The following GRM8 variants were observed in gnomAD, a reference collection of about 807,000 sequenced individuals.
GRM8 encodes the protein glutamate metabotropic receptor 8, also known as metabotropic glutamate receptor 8.
Under a neutral mutation model 87.2 loss-of-function variants are expected in GRM8, and 47 were observed. The ratio of observed to expected loss-of-function variants is 0.54; its 90% CI spans 0.43 to 0.69. The LOEUF (loss-of-function observed/expected upper bound fraction) is 0.69. Ranked by LOEUF, GRM8 falls within the 30% of genes least tolerant of loss-of-function variation. The pLI, the probability that GRM8 is intolerant of heterozygous loss-of-function variation, is 0.00. For synonymous variants in GRM8, 396 were observed against 404.5 expected, an observed-to-expected ratio of 0.98 and a Z score of 0.25; for missense variants, 1,019 against 1,139.2, an observed-to-expected ratio of 0.89 and a Z score of 1.52.
At chr7:126,801,873 T>C (rs1822745963) in intron 6 of GRM8, among the ~76,000 whole-genome samples, 2 of 152,100 alleles carry the variant, frequency 1.3e-5, no homozygotes, top group African/African-American at 4.8e-5. Context: ...TTCTCAACTA[T>C]ACAAGGAACT....
At chr7:127,117,007 G>A (rs1205909351) in intron 2 of GRM8, among the ~76,000 whole-genome samples, 1 of 152,040 alleles carries the variant, frequency 6.6e-6, no homozygotes, top group African/African-American at 2.4e-5. Flanking sequence ...ATAAATGAAT[G>A]GATAGATGAA....
chr7:126,886,935 G>A (rs1475300524), intron 6 of GRM8, among the ~76,000 whole-genome samples: 1 of 152,100 alleles, frequency 6.6e-6, no homozygotes, highest in Non-Finnish European at 1.5e-5. Context: ...AAGGCCGAAA[G>A]AAGGAAGAGC....
At chr7:127,196,534 C>CA (rs568593813) in intron 2 of GRM8, among the ~76,000 whole-genome samples, 40,160 of 144,522 alleles carry the variant, frequency 0.28, 5,467 homozygotes, top group South Asian at 0.32. Flanking sequence ...AACAAACAAA[C>CA]AAAAAAAAAA....
chr7:126,982,884 C>T (rs1300193623), intron 3 of GRM8, among the ~76,000 whole-genome samples: 2 of 152,190 alleles, frequency 1.3e-5, no homozygotes, highest in African/African-American at 4.8e-5. Flanking sequence ...CATCTGCAGT[C>T]CTGCCTGGAT....
At chr7:126,560,956 A>T (rs985140278) in intron 8 of GRM8, among the ~76,000 whole-genome samples, 1 of 152,200 alleles carries the variant, frequency 6.6e-6, no homozygotes, top group Non-Finnish European at 1.5e-5. Context: ...AACTTATTGT[A>T]AACATTTGAC....
intron 3 of GRM8, among the ~76,000 whole-genome samples, chr7:126,941,371 G>T (rs1806906184): frequency 6.6e-6 from 1 of 151,644 alleles, no homozygotes; most frequent in African/African-American, 2.4e-5. Flanking sequence ...ACTTTGGGAG[G>T]CCGAAGCGGG....
intron 3 of GRM8, among the ~76,000 whole-genome samples, chr7:127,055,496 G>A (rs569760473): frequency 1.3e-5 from 2 of 152,256 alleles, no homozygotes; most frequent in East Asian, 3.9e-4. Context: ...ACTAGTGGGA[G>A]CTTTGTCTGA....
intron 3 of GRM8, among the ~76,000 whole-genome samples, chr7:127,020,224 G>T (rs973152350): frequency 6.6e-6 from 1 of 152,050 alleles, no homozygotes; most frequent in Admixed American, 6.6e-5. Context: ...ACAAAGCTAT[G>T]CTAGAAAAGA....
At chr7:127,209,612 G>A (rs1033542887) in intron 2 of GRM8, among the ~76,000 whole-genome samples, 5 of 151,944 alleles carry the variant, frequency 3.3e-5, no homozygotes, top group Admixed American at 1.3e-4. Context: ...TAAGACTGGC[G>A]GGGAAAAGGG....
At chr7:127,041,428 T>C (rs1818420650) in intron 3 of GRM8, among the ~76,000 whole-genome samples, 1 of 152,236 alleles carries the variant, frequency 6.6e-6, no homozygotes, top group African/African-American at 2.4e-5. Context: ...ACTTATAAAA[T>C]AGAAGTTTCC....
intron 3 of GRM8, among the ~76,000 whole-genome samples, chr7:126,924,932 G>C: frequency 6.6e-6 from 1 of 152,072 alleles, no homozygotes; most frequent in East Asian, 1.9e-4. Flanking sequence ...CAGCAGGCAA[G>C]ACCACAATTT....
At chr7:126,465,493 C>T (rs1023862518) in intron 9 of GRM8, among the ~76,000 whole-genome samples, 1 of 151,692 alleles carries the variant, frequency 6.6e-6, no homozygotes, top group Non-Finnish European at 1.5e-5. Context: ...TTACTTAAGT[C>T]CTCTTTAATT....
Position 126,646,605 on chromosome 7 carries a change from T to G in GRM8, c.1358-37107A>C, listed in dbSNP as rs1803124001. ...TCTCAGCTGTGTGATACCACCCACA[T>G]GCTTAAGAGAAGGCATTCTGCAGGC... is the stretch of plus-strand genomic sequence containing the variant. On this transcript the variant is annotated intron_variant, in intron 7 of 10. Coordinates refer to ENST00000339582, the MANE Select transcript of GRM8 (RefSeq NM_000845.3). Among the ~76,000 whole-genome samples, 7 of 150,340 alleles carry G rather than the reference T, an allele frequency of 4.7e-5. No individual in the cohort carries two copies. The Admixed American group carries it at 4.7e-4, about 10-fold the overall frequency.
intron 2 of GRM8, among the ~76,000 whole-genome samples, chr7:127,208,757 C>G (rs7784674): frequency 0.022 from 3,421 of 152,300 alleles, 120 homozygotes; most frequent in African/African-American, 0.077. Context: ...ATTCGGTACA[C>G]TTGATGTGAT....
chr7:126,748,661 G>C (rs79596215), intron 7 of GRM8, among the ~76,000 whole-genome samples: 1 of 122,806 alleles, frequency 8.1e-6, no homozygotes, highest in East Asian at 2.4e-4. Context: ...TTCATACATA[G>C]ATGCAAAAGG....
intron 2 of GRM8, among the ~76,000 whole-genome samples, chr7:127,189,486 A>C (rs1438855369): frequency 1.3e-5 from 2 of 152,210 alleles, no homozygotes; most frequent in Non-Finnish European, 2.9e-5. Flanking sequence ...ACATATCCCC[A>C]AATTGATGTT....
rs1238031851 is a variant in GRM8, at chr7:126,446,302, T to C, written c.2501A>G (p.Tyr834Cys). Residue 834 changes from tyrosine (Y) to cysteine (C), a missense_variant, in exon 10 of 11, where the codon TAT becomes TGT. Coordinates refer to ENST00000339582, the MANE Select transcript of GRM8 (RefSeq NM_000845.3). ...AATTATAATATAAACCTTGGGCATA[T>C]AGAGCATGCCCAGAGATACTGAAGC... Reference protein sequence around the residue: ...LSASVSLGMLYMPKVYIIIFH... With the variant: ...LSASVSLGMLCMPKVYIIIFH... 22 of 1,606,986 alleles carry C rather than the reference T, an allele frequency of 1.4e-5. No homozygotes were observed. The highest frequency in any genetic ancestry group is 1.6e-5 in the Non-Finnish European group (19 of 1,174,158).
chr7:126,455,151 C>A (rs1388328693), intron 9 of GRM8, among the ~76,000 whole-genome samples: 3 of 151,676 alleles, frequency 2.0e-5, no homozygotes, highest in African/African-American at 7.3e-5. Flanking sequence ...ACTTATTTAA[C>A]CCCTCACACT....
At chr7:127,110,616 T>TA (rs1458393826) in intron 2 of GRM8, among the ~76,000 whole-genome samples, 22 of 149,912 alleles carry the variant, frequency 1.5e-4, no homozygotes, top group African/African-American at 4.4e-4. Context: ...TCCTCTTTTT[T>TA]TAAAAAAAAA....
Sources: gnomAD v4.1 joint callset for allele counts (sites outside exome capture counted in the v4.1 genomes callset) on GRCh38, gnomAD v4.1.1 for gene constraint, MANE v1.5 for transcripts, NCBI Gene and HGNC (gene_info 2026-07-23, HGNC 2026-07-21) for gene names.